CNIH3: variants seen among roughly 807,000 people sequenced by gnomAD.
The protein encoded by CNIH3 is protein cornichon homolog 3.
CNIH3 carries 14 observed loss-of-function variants against 24.1 expected under a neutral mutation model. The observed-to-expected ratio is 0.58, with a 90% CI of 0.38 to 0.91. The LOEUF is 0.91. Ranked by LOEUF, CNIH3 falls within the 40% of genes least tolerant of loss-of-function variation. CNIH3 has a pLI of 0.00. For synonymous variants in CNIH3, 68 were observed against 73.8 expected (o/e 0.92, Z 0.40); for missense variants, 178 against 196.8 (o/e 0.90, Z 0.57).
chr1:224,654,594 C>T (rs1023148655), intron 1 of CNIH3, among the ~76,000 whole-genome samples: 3 of 152,138 alleles, frequency 2.0e-5, no homozygotes, highest in Non-Finnish European at 2.9e-5. Context: ...ACTGAATCAG[C>T]AAATGCCTTG....
intron 3 of CNIH3, among the ~76,000 whole-genome samples, chr1:224,550,999 G>A (rs1679898317): frequency 2.0e-5 from 3 of 152,058 alleles, no homozygotes; most frequent in Non-Finnish European, 4.4e-5. Context: ...TCAGAGAAAT[G>A]CGAATCAAAA....
rs1685361998 is a variant in CNIH3 at position 224,661,672 on chromosome 1, A to G, written c.82-19286A>G. 2.6e-5 allele frequency: 6 copies of G among 232,058 alleles called. No homozygotes were observed. In the Admixed American group the frequency reaches 2.7e-4, roughly 10 times the overall value. The allele number at this position is 232,058 out of a possible 1,614,324, so 14.4% of individuals were successfully genotyped here. ...CTTCCGCCACGTCCTCTACCATTTA[A>G]TCCTCCTTCTGGTTTAATATAAATT... On this transcript the variant is annotated intron_variant, in intron 1 of 5. Transcript: ENST00000272133.
chr1:224,435,587 T>A (rs1674619118), intron 1 of CNIH3: 1 of 152,234 alleles, frequency 6.6e-6, no homozygotes, highest in Non-Finnish European at 1.5e-5. Flanking sequence ...CTGCCCAGTT[T>A]AGGGAGCAGT....
chr1:224,667,187 A>AG (rs1270221756), intron 1 of CNIH3, among the ~76,000 whole-genome samples: 1 of 152,248 alleles, frequency 6.6e-6, no homozygotes, highest in Non-Finnish European at 1.5e-5. Context: ...TGACAGCAGG[A>AG]GAGGGCTAAT....
At position 224,604,536 on chromosome 1, in the gene CNIH3, T is replaced by C. The variant is rs1161917688; in HGVS notation, n.402+38272T>C. Among the ~76,000 whole-genome samples the C allele has an allele frequency of 6.6e-6, 1 of 152,114 alleles. No individual in the cohort carries two copies. Among genetic ancestry groups the C allele is most frequent in the African/African-American group, 2.4e-5 (1 of 41,402 alleles). ...CCCTACGCCGCTTTGTGCCAGTGACTTGTGGAAGAGACAAGTCCTCAGAGA... is the reference window on the plus strand; with the variant it reads ...CCCTACGCCGCTTTGTGCCAGTGACCTGTGGAAGAGACAAGTCCTCAGAGA... On this transcript the variant is annotated intron_variant and non_coding_transcript_variant, in intron 3 of 7. Transcript: ENST00000478120. This position sits in a 1 kb window ranked among gnomAD's most constrained non-coding sequence, Gnocchi z 4.4.
At chr1:224,436,413 T>C (rs1240725010) in intron 1 of CNIH3, among the ~76,000 whole-genome samples, 1 of 152,244 alleles carries the variant, frequency 6.6e-6, no homozygotes, top group Admixed American at 6.5e-5. Flanking sequence ...CATAGCAACA[T>C]TGAAGACTTG....
At chr1:224,436,013 G>A (rs1674646012) in intron 1 of CNIH3, 1 of 152,034 alleles carries the variant, frequency 6.6e-6, no homozygotes, top group Non-Finnish European at 1.5e-5. Flanking sequence ...TTTTAAATTT[G>A]GAAATACAAT....
intron 1 of CNIH3, among the ~76,000 whole-genome samples, chr1:224,669,563 G>C (rs1211132361): frequency 6.6e-6 from 1 of 152,186 alleles, no homozygotes; most frequent in Admixed American, 6.5e-5. Context: ...GCAGTGACTG[G>C]ATTCTCCTGA....
chr1:224,723,471 T>C (rs1007428043), intron 3 of CNIH3, among the ~76,000 whole-genome samples: 9 of 151,992 alleles, frequency 5.9e-5, no homozygotes, highest in Middle Eastern at 3.2e-3. Flanking sequence ...GAAGAAAACA[T>C]AGGGAGAAAC....
Position 224,684,992 on chromosome 1 carries a change from G to T in CNIH3, c.198+149G>T. The T allele has an allele frequency of 1.3e-6, 1 of 768,498 alleles. No individual in the cohort carries two copies. The highest frequency in any genetic ancestry group is 2.3e-6 in the Non-Finnish European group (1 of 434,086). 47.6% of individuals were successfully genotyped at this position (768,498 alleles called of 1,614,324 possible). ...GGGAAAGGGGGAGGTGGGAGCAAGT[G>T]ATCAGTTCTTTGGAAACCTCCAGAG... is the stretch of plus-strand genomic sequence containing the variant. On this transcript the variant is annotated intron_variant, in intron 3 of 5. Transcript: ENST00000272133. This position sits in a 1 kb window ranked among gnomAD's most constrained non-coding sequence, Gnocchi z 4.2.
chr1:224,559,918 T>A (rs1680295112), intron 3 of CNIH3, among the ~76,000 whole-genome samples: 1 of 152,172 alleles, frequency 6.6e-6, no homozygotes, highest in African/African-American at 2.4e-5. Context: ...TTTTTTCCAA[T>A]AGTTTTACCA....
At chr1:224,539,157 T>A (rs971857932), downstream of CNIH3, among the ~76,000 whole-genome samples, 3 of 152,198 alleles carry the variant, frequency 2.0e-5, no homozygotes, top group African/African-American at 7.2e-5. Flanking sequence ...GCACACTTAA[T>A]TTAACATGTC....
chr1:224,440,629 C>T (rs111741601), intron 1 of CNIH3, among the ~76,000 whole-genome samples: 3,384 of 152,270 alleles, frequency 0.022, 61 homozygotes, highest in Non-Finnish European at 0.036. Context: ...AAACAGTGTG[C>T]ATAATATGAT....
At chr1:224,518,438 C>T (rs1475987250) in intron 1 of CNIH3, among the ~76,000 whole-genome samples, 5 of 152,202 alleles carry the variant, frequency 3.3e-5, no homozygotes, top group African/African-American at 9.6e-5. Context: ...CCAAGGTATC[C>T]TCCTGCTTCA....
intron 1 of CNIH3, among the ~76,000 whole-genome samples, chr1:224,505,432 C>T (rs534694083): frequency 5.9e-5 from 9 of 152,180 alleles, no homozygotes; most frequent in African/African-American, 1.7e-4. Context: ...TGCAGAGTGA[C>T]GTTACTTCAC....
At chr1:224,668,478 T>A (rs993726021) in intron 1 of CNIH3, among the ~76,000 whole-genome samples, 2 of 152,124 alleles carry the variant, frequency 1.3e-5, no homozygotes, top group Non-Finnish European at 2.9e-5. Context: ...GCCTGGCAAA[T>A]GGTAGATGCT....
At chr1:224,450,846 T>C (rs527390810) in intron 1 of CNIH3, among the ~76,000 whole-genome samples, 10 of 152,332 alleles carry the variant, frequency 6.6e-5, no homozygotes, top group Admixed American at 1.3e-4. Context: ...CCACCAGTTA[T>C]AGTTCATGTG....
intron 4 of CNIH3, among the ~76,000 whole-genome samples, chr1:224,570,532 A>G (rs760624166): frequency 7.3e-5 from 11 of 151,688 alleles, no homozygotes; most frequent in Admixed American, 1.3e-4. Flanking sequence ...ATCTTTTTCT[A>G]TTAAGATGTC....
intron 3 of CNIH3, among the ~76,000 whole-genome samples, chr1:224,712,176 G>A (rs1176097542): frequency 2.0e-5 from 3 of 152,220 alleles, no homozygotes; most frequent in South Asian, 4.1e-4. Flanking sequence ...GCTGGGAATA[G>A]GTTCTTCTCT....
Sources: allele counts gnomAD v4.1 joint callset (sites outside exome capture counted in the v4.1 genomes callset), GRCh38; gene constraint gnomAD v4.1.1; non-coding constraint Gnocchi (gnomAD v3.1); transcripts MANE v1.5; gene names NCBI Gene and HGNC (gene_info 2026-07-23, HGNC 2026-07-21).